The following CAPS2 variants were observed in gnomAD, a reference collection of about 807,000 sequenced individuals.
CAPS2 encodes the protein calcyphosine 2.
In CAPS2, 98 loss-of-function variants were observed where a neutral mutation model predicts 86.5. That is an observed-to-expected ratio of 1.13 (90% confidence interval 0.96 to 1.34). The LOEUF (loss-of-function observed/expected upper bound fraction) is 1.34, where lower values mean the gene tolerates loss of function less well. CAPS2 is among the 40% of genes most tolerant of loss of function. The pLI, the probability that CAPS2 is intolerant of heterozygous loss-of-function variation, is 0.00. For synonymous variants in CAPS2, 210 were observed against 225.1 expected, an observed-to-expected ratio of 0.93 and a Z score of 0.60; for missense variants, 729 against 686.8, an observed-to-expected ratio of 1.06 and a Z score of -0.69.
intron 1 of CAPS2, among the ~76,000 whole-genome samples, chr12:75,356,310 G>A (rs2043152553): frequency 6.6e-6 from 1 of 152,104 alleles, no homozygotes; most frequent in African/African-American, 2.4e-5. Context: ...TATGTTTATA[G>A]ATGACTGGAG....
At chr12:75,374,618 A>G (rs1361770643) in intron 1 of CAPS2, among the ~76,000 whole-genome samples, 2 of 152,212 alleles carry the variant, frequency 1.3e-5, no homozygotes, top group African/African-American at 4.8e-5. Flanking sequence ...GTAAGGGGCC[A>G]GTGTGATACC....
chr12:75,364,291 A>T (rs2043817765), intron 1 of CAPS2, among the ~76,000 whole-genome samples: 1 of 152,204 alleles, frequency 6.6e-6, no homozygotes, highest in South Asian at 2.1e-4. Flanking sequence ...ACCTTGCCAA[A>T]AGTAGAGGTC....
At chr12:75,298,068 T>C (rs939737084) in intron 11 of CAPS2, 2 of 152,278 alleles carry the variant, frequency 1.3e-5, no homozygotes, top group Admixed American at 1.3e-4. Context: ...GATCTTAGGA[T>C]AGAAACATAT....
rs770105077 is a variant in CAPS2, at chr12:75,293,369, T to G, written c.1045-2A>C. 6.3e-7 allele frequency: 1 copy of G among 1,581,842 alleles called. No individual in the cohort carries two copies. Among genetic ancestry groups the G allele is most frequent in the East Asian group, 2.2e-5 (1 of 44,490 alleles). On this transcript the variant is annotated splice_acceptor_variant, in intron 11 of 16. Transcript: ENST00000393284. LOFTEE classifies it high-confidence loss of function. Reference sequence around the variant, plus strand: ...ACTCAAAAATGTCAAGGTTGCACCCTAAACAAAAGAACAGATGAATGAAGC... The same window carrying G: ...ACTCAAAAATGTCAAGGTTGCACCCGAAACAAAAGAACAGATGAATGAAGC...
chr12:75,298,713 GTTTTCC>G, exon 11 of CAPS2: 1 of 1,613,680 alleles, frequency 6.2e-7, no homozygotes, highest in Non-Finnish European at 8.5e-7. Context: ...AGTCGGTATT[GTTTTCC>G]TTTTCTTCGT....
At chr12:75,310,599 C>T (rs2039047475) in intron 7 of CAPS2, among the ~76,000 whole-genome samples, 1 of 152,148 alleles carries the variant, frequency 6.6e-6, no homozygotes, top group Non-Finnish European at 1.5e-5. Context: ...TTTTAGTAAT[C>T]CTGATCCATT....
At chr12:75,283,203 C>T (rs1199928159) in intron 15 of CAPS2, among the ~76,000 whole-genome samples, 1 of 152,148 alleles carries the variant, frequency 6.6e-6, no homozygotes, top group Non-Finnish European at 1.5e-5. Context: ...GTAGCTCTAT[C>T]ATAAGATATC....
At chr12:75,378,172 AT>A (rs1445391947) in intron 1 of CAPS2, among the ~76,000 whole-genome samples, 15 of 151,460 alleles carry the variant, frequency 9.9e-5, no homozygotes, top group Non-Finnish European at 1.3e-4. Context: ...TAATTTTTGC[AT>A]TTTTTTGTAG....
At chr12:75,373,121 T>C (rs1355933174) in intron 1 of CAPS2, among the ~76,000 whole-genome samples, 3 of 152,176 alleles carry the variant, frequency 2.0e-5, no homozygotes, top group African/African-American at 2.4e-5. Flanking sequence ...TGCTGACACA[T>C]TGGGCACTCA....
upstream of CAPS2, among the ~76,000 whole-genome samples, chr12:75,328,168 T>A (rs1251266469): frequency 6.6e-6 from 1 of 152,170 alleles, no homozygotes; most frequent in Non-Finnish European, 1.5e-5. Flanking sequence ...TGTTGTTTTG[T>A]TTTGGAGGCC....
chr12:75,336,308 T>A (rs147895674), intron 1 of CAPS2, among the ~76,000 whole-genome samples: 1,631 of 151,938 alleles, frequency 0.011, 20 homozygotes, highest in African/African-American at 0.032. Flanking sequence ...GAGGGAATCA[T>A]TTAAAAATAG....
chr12:75,277,577 AT>A, exon 17 of CAPS2: 1 of 966,860 alleles, frequency 1.0e-6, no homozygotes, highest in Non-Finnish European at 1.2e-6. Context: ...GTTTACACAT[AT>A]TTTCCCTCTC....
rs550436686 is a variant in CAPS2, at chr12:75,372,410, G to A, written c.-395+18428C>T. On this transcript the variant is annotated intron_variant, in intron 1 of 5. Coordinates refer to the CAPS2 transcript ENST00000551829. ...GGTAGGAGGAGCCCAGAGTAACCAG[G>A]TGGCAATCCTAACCTCCAGTTTAAT... 2.6e-5 allele frequency among the ~76,000 whole-genome samples: 4 copies of A among 152,266 alleles called. No individual in the cohort carries two copies. The South Asian group carries it at 8.3e-4, about 32-fold the overall frequency.
chr12:75,380,529 T>G (rs1295850934), intron 1 of CAPS2, among the ~76,000 whole-genome samples: 2 of 152,176 alleles, frequency 1.3e-5, no homozygotes, highest in Non-Finnish European at 2.9e-5. Context: ...CAATAAATAT[T>G]TATTAAGCAT....
intron 1 of CAPS2, among the ~76,000 whole-genome samples, chr12:75,378,507 G>A (rs2044782177): frequency 6.6e-6 from 1 of 152,120 alleles, no homozygotes; most frequent in Admixed American, 6.5e-5. Flanking sequence ...GCTAACAAGT[G>A]GAAATTTTTA....
chr12:75,323,533 C>A (rs1270043658), intron 2 of CAPS2, among the ~76,000 whole-genome samples: 3 of 152,216 alleles, frequency 2.0e-5, no homozygotes, highest in Non-Finnish European at 4.4e-5. Flanking sequence ...CACCTGAGGT[C>A]GGGAGATCGA....
chr12:75,357,973 T>C (rs1286052176), intron 1 of CAPS2, among the ~76,000 whole-genome samples: 2 of 127,586 alleles, frequency 1.6e-5, no homozygotes, highest in African/African-American at 2.9e-5. Flanking sequence ...AAATCTAAAG[T>C]AAAAAAAAAA....
intron 1 of CAPS2, among the ~76,000 whole-genome samples, chr12:75,387,766 C>T (rs1381048711): frequency 6.6e-6 from 1 of 152,134 alleles, no homozygotes; most frequent in Non-Finnish European, 1.5e-5. Flanking sequence ...TGGATCAATA[C>T]ATTCATGAGG....
intron 4 of CAPS2, chr12:75,322,895 A>G (rs760685423): frequency 1.0e-5 from 8 of 788,298 alleles, no homozygotes; most frequent in Non-Finnish European, 1.6e-5. Flanking sequence ...AAAATATTTA[A>G]ACTTGGCAAA....
Sources: allele counts gnomAD v4.1 joint callset (sites outside exome capture counted in the v4.1 genomes callset), GRCh38; gene constraint gnomAD v4.1.1; transcripts MANE v1.5; gene names NCBI Gene and HGNC (gene_info 2026-07-23, HGNC 2026-07-21).